The following PIBF1 variants were observed in gnomAD, a reference collection of about 807,000 sequenced individuals.
PIBF1 encodes the protein progesterone immunomodulatory binding factor 1.
In PIBF1, 90 loss-of-function variants were observed where a neutral mutation model predicts 112.5. The ratio of observed to expected loss-of-function variants is 0.80; its 90% CI spans 0.67 to 0.95. PIBF1 has a LOEUF of 0.95. PIBF1 is among the 40% of genes least tolerant of loss of function. The pLI is 0.00. For missense variants in PIBF1, 915 were observed against 852.3 expected (o/e 1.07, Z -0.92); for synonymous variants, 301 against 288.6 (o/e 1.04, Z -0.44).
At chr13:72,983,190 C>G (rs2043194902) in intron 16 of PIBF1, among the ~76,000 whole-genome samples, 1 of 152,112 alleles carries the variant, frequency 6.6e-6, no homozygotes, top group Non-Finnish European at 1.5e-5. Context: ...GTACCAGCTA[C>G]TCGGTTGGCT....
chr13:72,952,649 AG>A (rs2042332599), intron 14 of PIBF1, among the ~76,000 whole-genome samples: 7 of 120,964 alleles, frequency 5.8e-5, no homozygotes, highest in Admixed American at 5.8e-4. Flanking sequence ...TTTTTTTTTT[AG>A]TTTTTTTTTA....
At chr13:72,838,411 A>G (rs1041750419) in intron 9 of PIBF1, among the ~76,000 whole-genome samples, 1 of 152,242 alleles carries the variant, frequency 6.6e-6, no homozygotes, top group African/African-American at 2.4e-5. Context: ...CTACTATTAA[A>G]AGTAAAACTT....
At chr13:72,836,414 C>T (rs1418966051) in intron 9 of PIBF1, among the ~76,000 whole-genome samples, 2 of 152,032 alleles carry the variant, frequency 1.3e-5, no homozygotes, top group Non-Finnish European at 2.9e-5. Flanking sequence ...CATGTCATTT[C>T]TACTAGGAAT....
At chr13:72,912,564 C>T (rs989047854) in intron 12 of PIBF1, among the ~76,000 whole-genome samples, 2 of 152,096 alleles carry the variant, frequency 1.3e-5, no homozygotes, top group Non-Finnish European at 2.9e-5. Flanking sequence ...CAGTTTCTTA[C>T]AAAATAATTA....
At chr13:72,908,726 G>T (rs377472917) in intron 12 of PIBF1, 45 bp downstream of exon 12, 591 of 1,545,366 alleles carry the variant, frequency 3.8e-4, no homozygotes, top group Non-Finnish European at 4.8e-4. Flanking sequence ...TTTTTTTCTG[G>T]CAACAAAAGA....
intron 5 of PIBF1, among the ~76,000 whole-genome samples, chr13:72,818,930 C>A (rs1395192021): frequency 1.3e-5 from 2 of 152,110 alleles, no homozygotes; most frequent in South Asian, 2.1e-4. Context: ...ACCAGCCACT[C>A]TTCTTACATC....
At chr13:72,886,524 T>C (rs1159823241) in intron 10 of PIBF1, among the ~76,000 whole-genome samples, 1 of 152,076 alleles carries the variant, frequency 6.6e-6, no homozygotes, top group East Asian at 1.9e-4. Context: ...GCAACATTCC[T>C]TTCCTTACAT....
chr13:73,012,432 G>T (rs1404931285), intron 17 of PIBF1, among the ~76,000 whole-genome samples: 1 of 151,956 alleles, frequency 6.6e-6, no homozygotes, highest in Non-Finnish European at 1.5e-5. Flanking sequence ...CTCTAACCTT[G>T]AGAATATTTC....
intron 10 of PIBF1, among the ~76,000 whole-genome samples, chr13:72,879,375 T>C (rs906098342): frequency 6.6e-6 from 1 of 152,110 alleles, no homozygotes; most frequent in African/African-American, 2.4e-5. Context: ...AGAAGGAATG[T>C]TCTGAGTTAG....
chr13:72,875,268 A>C (rs182695725), intron 10 of PIBF1, among the ~76,000 whole-genome samples: 1 of 152,080 alleles, frequency 6.6e-6, no homozygotes, highest in Non-Finnish European at 1.5e-5. Flanking sequence ...ATAGTATTCT[A>C]TTGCTGAGGT....
At chr13:72,901,676 A>G (rs1047687157) in intron 11 of PIBF1, among the ~76,000 whole-genome samples, 4 of 149,588 alleles carry the variant, frequency 2.7e-5, no homozygotes, top group African/African-American at 9.8e-5. Flanking sequence ...CAAGAGCGAG[A>G]CTCCTTCTCA....
intron 9 of PIBF1, among the ~76,000 whole-genome samples, chr13:72,853,761 C>G (rs1419098562): frequency 6.6e-6 from 1 of 152,152 alleles, no homozygotes; most frequent in African/African-American, 2.4e-5. Context: ...ATAATTACAC[C>G]TATCTCATTG....
At chr13:72,995,909 A>C (rs1195009054) in intron 16 of PIBF1, among the ~76,000 whole-genome samples, 1 of 151,424 alleles carries the variant, frequency 6.6e-6, no homozygotes, top group Non-Finnish European at 1.5e-5. Flanking sequence ...AGATCTTGCC[A>C]CTGCACTCCA....
chr13:72,794,918 C>T (rs2035114953), intron 3 of PIBF1, among the ~76,000 whole-genome samples: 1 of 152,104 alleles, frequency 6.6e-6, no homozygotes, highest in Non-Finnish European at 1.5e-5. Context: ...TGAGTATGTG[C>T]AGATTACTGT....
intron 6 of PIBF1, among the ~76,000 whole-genome samples, chr13:72,826,733 A>T (rs1387840401): frequency 6.6e-6 from 1 of 152,212 alleles, no homozygotes; most frequent in Non-Finnish European, 1.5e-5. Context: ...AAAAAATACC[A>T]AATGTATGTT....
intron 16 of PIBF1, among the ~76,000 whole-genome samples, chr13:72,978,681 TTTATCTG>T (rs1356192996): frequency 2.0e-5 from 3 of 152,178 alleles, no homozygotes; most frequent in Non-Finnish European, 4.4e-5. Flanking sequence ...TCAGAATAAC[TTTATCTG>T]TTTCCTTCAG....
chr13:72,854,286 T>A (rs1184782683), intron 10 of PIBF1, 131 bp downstream of exon 10: 1 of 608,068 alleles, frequency 1.6e-6, no homozygotes, highest in East Asian at 2.9e-5. Context: ...TTCATTTCAA[T>A]AATTTTCATT....
chr13:72,928,093 G>C (rs1380359613), intron 13 of PIBF1, among the ~76,000 whole-genome samples: 2 of 146,502 alleles, frequency 1.4e-5, no homozygotes, highest in African/African-American at 5.0e-5. Flanking sequence ...AACTGACTTA[G>C]AGGTGAGTTT....
chr13:72,797,828 ATAAG>A (rs982469322), intron 4 of PIBF1, 75 bp from the exon 5 acceptor site: 12 of 1,032,990 alleles, frequency 1.2e-5, no homozygotes, highest in Admixed American at 5.1e-5. Context: ...TTTATTACTG[ATAAG>A]TGAGAGCACT....
Sources: gnomAD v4.1 joint callset for allele counts (sites outside exome capture counted in the v4.1 genomes callset) on GRCh38, gnomAD v4.1.1 for gene constraint, MANE v1.5 for transcripts, NCBI Gene and HGNC (gene_info 2026-07-23, HGNC 2026-07-21) for gene names.